TSPAN9: variants seen among roughly 807,000 people sequenced by gnomAD.
The protein encoded by TSPAN9 is tetraspanin-9.
Under a neutral mutation model 31.0 loss-of-function variants are expected in TSPAN9, and 16 were observed. The observed-to-expected ratio is 0.52, with a 90% CI of 0.35 to 0.78. The LOEUF (loss-of-function observed/expected upper bound fraction) is 0.78. Ranked by LOEUF, TSPAN9 falls within the 30% of genes least tolerant of loss-of-function variation. The pLI is 0.01. For missense variants in TSPAN9, 272 were observed against 312.5 expected (o/e 0.87, Z 0.98); for synonymous variants, 145 against 121.6 (o/e 1.19, Z -1.27).
chr12:3,267,775 C>T (rs993918503), intron 3 of TSPAN9, among the ~76,000 whole-genome samples: 3 of 152,180 alleles, frequency 2.0e-5, no homozygotes, highest in Admixed American at 6.5e-5. Flanking sequence ...GAGACAGTGC[C>T]GTGTGCCGGG....
At chr12:3,238,365 G>A (rs2098394872) in intron 3 of TSPAN9, among the ~76,000 whole-genome samples, 1 of 152,192 alleles carries the variant, frequency 6.6e-6, no homozygotes, top group South Asian at 2.1e-4. Flanking sequence ...CCCACCCTGG[G>A]GACATGTGTC....
At chr12:3,134,860 G>C (rs1422170088) in intron 2 of TSPAN9, among the ~76,000 whole-genome samples, 1 of 152,130 alleles carries the variant, frequency 6.6e-6, no homozygotes, top group Non-Finnish European at 1.5e-5. Context: ...GGCGTGCAGC[G>C]TGGAAGAGGC....
At chr12:3,114,154 G>A (rs1292920392) in intron 2 of TSPAN9, among the ~76,000 whole-genome samples, 1 of 152,186 alleles carries the variant, frequency 6.6e-6, no homozygotes, top group East Asian at 1.9e-4. Flanking sequence ...AGACCATATG[G>A]TCTCTGCTGC....
chr12:3,207,639 T>A (rs979608943), intron 3 of TSPAN9, among the ~76,000 whole-genome samples: 2 of 152,208 alleles, frequency 1.3e-5, no homozygotes, highest in Admixed American at 1.3e-4. Context: ...TCCTCTCCTG[T>A]GCGCCCCAGC....
intron 3 of TSPAN9, 143 bp downstream of exon 3, chr12:3,201,399 CGCCCCCCTTTCAT>C (rs534087185): frequency 1.9e-4 from 141 of 742,374 alleles, no homozygotes; most frequent in African/African-American, 1.9e-3. Context: ...AAATTGCCCC[CGCCCCCCTTTCAT>C]GCACCTTTGT....
intron 3 of TSPAN9, among the ~76,000 whole-genome samples, chr12:3,212,293 A>G (rs1328573080): frequency 1.3e-5 from 2 of 152,208 alleles, no homozygotes; most frequent in Non-Finnish European, 2.9e-5. Context: ...CTATTCATGA[A>G]TATGAATAGT....
chr12:3,141,160 C>G (rs1188771789), intron 2 of TSPAN9, among the ~76,000 whole-genome samples: 1 of 152,056 alleles, frequency 6.6e-6, no homozygotes, highest in African/African-American at 2.4e-5. Context: ...CTTCCACAGT[C>G]TCTGTCGGCT....
Position 3,168,029 on chromosome 12 carries a change from T to G in TSPAN9, c.-17-33148T>G, listed in dbSNP as rs1394520901. On this transcript the variant is annotated intron_variant, in intron 2 of 8. Transcript: ENST00000011898. The surrounding 1 kb of genome is among the most constrained non-coding windows in gnomAD (Gnocchi z 4.0). ...AGTTTGGTTTGCAGGCCTTTGTGGATAAAAGCATGTCCTGGGGTCCAGCGG... is the reference window on the plus strand; with the variant it reads ...AGTTTGGTTTGCAGGCCTTTGTGGAGAAAAGCATGTCCTGGGGTCCAGCGG... 6.6e-6 allele frequency among the ~76,000 whole-genome samples: 1 copy of G among 152,040 alleles called. No individual in the cohort carries two copies. Among genetic ancestry groups the G allele is most frequent in the Non-Finnish European group, 1.5e-5 (1 of 68,018 alleles).
rs1863020233 is a variant in TSPAN9 at position 3,286,524 on chromosome 12, T to G, written c.*3408T>G. ...TTTATGGAACACCATGTTTTTAGCA[T>G]GTTTTTAAATAAAAACGGATAAAGT... On this transcript the variant is annotated 3_prime_UTR_variant, in exon 9 of 9. Transcript: ENST00000011898. This position sits in a 1 kb window ranked among gnomAD's most constrained non-coding sequence, Gnocchi z 4.1. The G allele has an allele frequency of 6.6e-6, 1 of 152,460 alleles. No individual in the cohort carries two copies. 9.4% of individuals were successfully genotyped at this position (152,460 alleles called of 1,614,324 possible). A position where few individuals can be genotyped will look rare whatever the true frequency, so the allele number is the denominator to read the frequency against.
intron 2 of TSPAN9, among the ~76,000 whole-genome samples, chr12:3,101,016 A>C (rs962527281): frequency 6.6e-6 from 1 of 152,242 alleles, no homozygotes; most frequent in African/African-American, 2.4e-5. Flanking sequence ...AGCTCAGATC[A>C]CACCTGTAGC....
At chr12:3,225,354 ACAGGACAGCCTGTCC>A (rs2098386644) in intron 3 of TSPAN9, among the ~76,000 whole-genome samples, 1 of 152,022 alleles carries the variant, frequency 6.6e-6, no homozygotes, top group Non-Finnish European at 1.5e-5. Flanking sequence ...ATGTGCACGC[ACAGGACAGCCTGTCC>A]TGTGCGGTGG....
intron 2 of TSPAN9, among the ~76,000 whole-genome samples, chr12:3,128,120 G>A (rs35524534): frequency 0.14 from 20,721 of 152,232 alleles, 1,738 homozygotes; most frequent in Middle Eastern, 0.22. Context: ...GCATTGTTAT[G>A]TGGTGCATGA....
At chr12:3,270,185 G>C (rs1213579754) in intron 3 of TSPAN9, among the ~76,000 whole-genome samples, 2 of 152,210 alleles carry the variant, frequency 1.3e-5, no homozygotes, top group African/African-American at 4.8e-5. Context: ...AGGCCTGTGG[G>C]TCAGTTTGAG....
At chr12:3,106,901 C>G (rs1443418813) in intron 2 of TSPAN9, among the ~76,000 whole-genome samples, 1 of 152,192 alleles carries the variant, frequency 6.6e-6, no homozygotes, top group Non-Finnish European at 1.5e-5. Flanking sequence ...TATGTACCAT[C>G]AGCAAAACCA....
intron 3 of TSPAN9, among the ~76,000 whole-genome samples, chr12:3,272,375 A>G (rs951506129): frequency 2.0e-5 from 3 of 152,086 alleles, no homozygotes; most frequent in African/African-American, 7.2e-5. Flanking sequence ...ATCCATCCCC[A>G]TCATTCATTC....
intron 2 of TSPAN9, among the ~76,000 whole-genome samples, chr12:3,114,167 C>T (rs1231457162): frequency 6.6e-6 from 1 of 152,236 alleles, no homozygotes; most frequent in Non-Finnish European, 1.5e-5. Flanking sequence ...TCTGCTGCAG[C>T]TTCTCAACCC....
At chr12:3,096,278 C>A (rs916704066) in intron 2 of TSPAN9, among the ~76,000 whole-genome samples, 1 of 152,232 alleles carries the variant, frequency 6.6e-6, no homozygotes, top group African/African-American at 2.4e-5. Flanking sequence ...TGAGACCTTG[C>A]AGCCACCTCT....
At chr12:3,262,861 A>G (rs902414261) in intron 3 of TSPAN9, among the ~76,000 whole-genome samples, 1 of 151,848 alleles carries the variant, frequency 6.6e-6, no homozygotes, top group African/African-American at 2.4e-5. Context: ...TTAAATGGCC[A>G]TTTCCCTCGG....
intron 2 of TSPAN9, among the ~76,000 whole-genome samples, chr12:3,139,600 G>T (rs915593714): frequency 6.6e-6 from 1 of 152,054 alleles, no homozygotes; most frequent in Admixed American, 6.5e-5. Context: ...ACAGGGTCTT[G>T]CTCTGTCACC....
Sources: allele counts gnomAD v4.1 joint callset (sites outside exome capture counted in the v4.1 genomes callset), GRCh38; gene constraint gnomAD v4.1.1; non-coding constraint Gnocchi (gnomAD v3.1); transcripts MANE v1.5; gene names NCBI Gene and HGNC (gene_info 2026-07-23, HGNC 2026-07-21).